The following BCAR3 variants were observed in gnomAD, a reference collection of about 807,000 sequenced individuals.
BCAR3 encodes BCAR3 adaptor protein, NSP family member.
BCAR3 carries 37 observed loss-of-function variants against 80.1 expected under a neutral mutation model. That is an observed-to-expected ratio of 0.46 (90% CI 0.36 to 0.61). The LOEUF is 0.61. Among genes scored for constraint, BCAR3 ranks in the 20% least tolerant of loss-of-function variants. The pLI is 0.00. For synonymous variants in BCAR3, 389 were observed against 418.9 expected (o/e 0.93, Z 0.87); for missense variants, 978 against 1,068.2 (o/e 0.92, Z 1.18).
intron 10 of BCAR3, 45 bp downstream of exon 10, chr1:93,567,695 C>A (rs750363318): frequency 2.6e-6 from 4 of 1,558,718 alleles, no homozygotes; most frequent in Non-Finnish European, 3.5e-6. Flanking sequence ...TTGTACTCCA[C>A]TCCCCAGCGG....
At chr1:93,634,251 G>A (rs895576361) in intron 3 of BCAR3, among the ~76,000 whole-genome samples, 2 of 152,164 alleles carry the variant, frequency 1.3e-5, no homozygotes, top group Non-Finnish European at 2.9e-5. Flanking sequence ...CCATGATATG[G>A]TTTGGCTGTG....
At chr1:93,593,512 C>T (rs984840831) in intron 3 of BCAR3, among the ~76,000 whole-genome samples, 2 of 151,610 alleles carry the variant, frequency 1.3e-5, no homozygotes, top group African/African-American at 4.9e-5. Context: ...AGGACTACAA[C>T]AGGCACGTGC....
At chr1:93,730,734 C>T (rs913644955) in intron 2 of BCAR3, among the ~76,000 whole-genome samples, 1 of 152,196 alleles carries the variant, frequency 6.6e-6, no homozygotes, top group Non-Finnish European at 1.5e-5. Flanking sequence ...ACTTAAAAAA[C>T]ATGTCTGGGA....
chr1:93,612,903 G>T (rs1182387905), intron 3 of BCAR3, among the ~76,000 whole-genome samples: 1 of 152,124 alleles, frequency 6.6e-6, no homozygotes, highest in Non-Finnish European at 1.5e-5. Flanking sequence ...TTCCCACTCT[G>T]TATATTTTTA....
intron 2 of BCAR3, among the ~76,000 whole-genome samples, chr1:93,812,076 G>A (rs1405728967): frequency 6.6e-6 from 1 of 152,136 alleles, no homozygotes; most frequent in Non-Finnish European, 1.5e-5. Flanking sequence ...AGTAATAAAT[G>A]TCCTGTAAAT....
intron 2 of BCAR3, among the ~76,000 whole-genome samples, chr1:93,772,765 C>T (rs1652404089): frequency 6.6e-6 from 1 of 152,022 alleles, no homozygotes; most frequent in South Asian, 2.1e-4. Context: ...GCCACCACGC[C>T]CAGCTAATTT....
At chr1:93,613,106 A>G (rs1361126813) in intron 3 of BCAR3, among the ~76,000 whole-genome samples, 2 of 152,188 alleles carry the variant, frequency 1.3e-5, no homozygotes, top group African/African-American at 4.8e-5. Flanking sequence ...CCAATTTCCC[A>G]GGAATAAACG....
chr1:93,682,733 T>G (rs1648837953), upstream of BCAR3, among the ~76,000 whole-genome samples: 1 of 152,202 alleles, frequency 6.6e-6, no homozygotes, highest in Non-Finnish European at 1.5e-5. Flanking sequence ...TTTTGTATTT[T>G]TAGTAGAGAC....
chr1:93,577,890 T>G (rs1673521440), intron 7 of BCAR3, among the ~76,000 whole-genome samples: 1 of 152,134 alleles, frequency 6.6e-6, no homozygotes, highest in African/African-American at 2.4e-5. Context: ...TCGGCACATA[T>G]ATGCCATGCC....
chr1:93,591,479 A>C (rs1478814286), intron 4 of BCAR3, among the ~76,000 whole-genome samples: 1 of 152,096 alleles, frequency 6.6e-6, no homozygotes, highest in Non-Finnish European at 1.5e-5. Context: ...TGTCTCAAAA[A>C]AAAGAAAAAA....
intron 3 of BCAR3, among the ~76,000 whole-genome samples, chr1:93,636,023 A>G (rs1168351507): frequency 6.6e-6 from 1 of 152,110 alleles, no homozygotes; most frequent in African/African-American, 2.4e-5. Context: ...TTGGCATTGG[A>G]ATTTGCATAA....
intron 1 of BCAR3, among the ~76,000 whole-genome samples, chr1:93,679,941 A>T (rs970532517): frequency 6.6e-6 from 1 of 152,220 alleles, no homozygotes; most frequent in African/African-American, 2.4e-5. Context: ...TGGAAATGTA[A>T]CCGTCTCGGC....
intron 11 of BCAR3, among the ~76,000 whole-genome samples, chr1:93,562,639 C>T (rs1273438586): frequency 6.6e-6 from 1 of 151,696 alleles, no homozygotes; most frequent in African/African-American, 2.4e-5. Context: ...GGCGTGGTGG[C>T]GAGCGCCTGT....
intron 2 of BCAR3, among the ~76,000 whole-genome samples, chr1:93,774,733 A>C (rs12116529): frequency 0.12 from 17,822 of 152,130 alleles, 1,467 homozygotes; most frequent in African/African-American, 0.22. Context: ...ACTTTTTCAA[A>C]GAGCATTTTC....
intron 2 of BCAR3, among the ~76,000 whole-genome samples, chr1:93,662,022 G>A (rs1033189689): frequency 1.3e-5 from 2 of 152,152 alleles, no homozygotes; most frequent in African/African-American, 2.4e-5. Flanking sequence ...TCCTTTTCAC[G>A]AATACAGAAG....
chr1:93,593,604 G>C (rs812807), intron 3 of BCAR3, among the ~76,000 whole-genome samples: 1 of 151,812 alleles, frequency 6.6e-6, no homozygotes, highest in African/African-American at 2.4e-5. Context: ...CAAACTCCTG[G>C]GCTCAAGCGA....
Position 93,562,289 on chromosome 1 carries a change from G to A in BCAR3, c.2430C>T (p.Ala810=), listed in dbSNP as rs1216976516. The change falls in exon 12 of 12, where the codon GCC becomes GCT. Residue 810 remains alanine (A), a synonymous_variant. Coordinates refer to ENST00000260502, the MANE Select transcript of BCAR3 (RefSeq NM_003567.4). ...RYEKFNQILT[A]LSRKLEPPPV... ...GAGGAGGTTCCAATTTACGCGAGAG[G>A]GCAGTTAAAATCTGGTTGAATTTCT... The A allele has an allele frequency of 1.9e-6, 3 of 1,614,000 alleles. No individual in the cohort carries two copies. Among genetic ancestry groups the A allele is most frequent in the Non-Finnish European group, 2.5e-6 (3 of 1,179,926 alleles).
chr1:93,726,102 A>G (rs538610711), intron 2 of BCAR3, among the ~76,000 whole-genome samples: 36 of 151,864 alleles, frequency 2.4e-4, no homozygotes, highest in Non-Finnish European at 3.4e-4. Context: ...GGTGTCACTC[A>G]GTTGCCCACG....
At chr1:93,653,588 T>C (rs1449613775) in intron 2 of BCAR3, among the ~76,000 whole-genome samples, 1 of 152,118 alleles carries the variant, frequency 6.6e-6, no homozygotes, top group Admixed American at 6.5e-5. Context: ...GGCTAGACAA[T>C]GGAAACACAG....
Sources: gnomAD v4.1 joint callset for allele counts (sites outside exome capture counted in the v4.1 genomes callset) on GRCh38, gnomAD v4.1.1 for gene constraint, MANE v1.5 for transcripts, NCBI Gene and HGNC (gene_info 2026-07-23, HGNC 2026-07-21) for gene names.